NEDD9: variants seen among roughly 807,000 people sequenced by gnomAD.
NEDD9 encodes the protein enhancer of filamentation 1.
NEDD9 carries 26 observed loss-of-function variants against 76.6 expected under a neutral mutation model. The observed-to-expected ratio is 0.34, with a 90% CI of 0.25 to 0.47. The LOEUF (loss-of-function observed/expected upper bound fraction) is 0.47. Among genes scored for constraint, NEDD9 ranks in the 20% least tolerant of loss-of-function variants. The pLI, the probability that NEDD9 is intolerant of heterozygous loss-of-function variation, is 1.00. For missense variants in NEDD9, 937 were observed against 1,058.5 expected (o/e 0.89, Z 1.59); for synonymous variants, 392 against 414.2 (o/e 0.95, Z 0.65).
rs150185528 is a variant in NEDD9 at position 11,198,667 on chromosome 6, C to T, written c.460-4975G>A. The T allele has an allele frequency of 9.2e-5, 14 of 152,364 alleles. No individual in the cohort carries two copies. The highest frequency in any genetic ancestry group is 3.4e-4 in the African/African-American group (14 of 41,576). The allele number at this position is 152,364 out of a possible 1,614,324, so 9.4% of individuals were successfully genotyped here. The stretch of plus-strand genomic sequence containing the variant: ...TTAAAGTCAGAGATCATTCCCTCTT[C>T]ATTTAAATATAAACCACAGGGCCTA... On this transcript the variant is annotated intron_variant, in intron 2 of 6. Coordinates refer to ENST00000379446, the MANE Select transcript of NEDD9 (RefSeq NM_006403.4). The surrounding 1 kb of genome is among the most constrained non-coding windows in gnomAD (Gnocchi z 4.7).
chr6:11,263,893 C>T (rs1158719289), intron 3 of NEDD9, among the ~76,000 whole-genome samples: 1 of 152,208 alleles, frequency 6.6e-6, no homozygotes, highest in Non-Finnish European at 1.5e-5. Flanking sequence ...GACCATTTCT[C>T]TCACAATAAT....
chr6:11,200,075 T>C (rs1434457539), intron 2 of NEDD9: 1 of 223,208 alleles, frequency 4.5e-6, no homozygotes, highest in African/African-American at 2.3e-5. Context: ...TTTTCAAGCC[T>C]GGGGGCATTT....
chr6:11,246,930 G>A (rs1759823246), intron 3 of NEDD9, among the ~76,000 whole-genome samples: 1 of 152,022 alleles, frequency 6.6e-6, no homozygotes, highest in African/African-American at 2.4e-5. Context: ...ATGGCTCCAG[G>A]GCTTCAGACG....
chr6:11,375,053 T>C (rs1762949854), intron 1 of NEDD9, among the ~76,000 whole-genome samples: 1 of 152,252 alleles, frequency 6.6e-6, no homozygotes, highest in Non-Finnish European at 1.5e-5. Context: ...CTCAAGTAGT[T>C]TGTGCATGAA....
At chr6:11,225,206 A>G (rs1349897359) in intron 1 of NEDD9, among the ~76,000 whole-genome samples, 1 of 152,272 alleles carries the variant, frequency 6.6e-6, no homozygotes, top group Non-Finnish European at 1.5e-5. Context: ...TCACTTTTAC[A>G]TATTTGTTGC....
chr6:11,350,568 T>C (rs1020525446), intron 1 of NEDD9, among the ~76,000 whole-genome samples: 14 of 152,224 alleles, frequency 9.2e-5, no homozygotes, highest in Non-Finnish European at 2.1e-4. Flanking sequence ...CGTGACTAAC[T>C]GTGGGAGCAG....
At chr6:11,305,844 C>T (rs1561824910) in intron 3 of NEDD9, 15 of 976,408 alleles carry the variant, frequency 1.5e-5, no homozygotes, top group Non-Finnish European at 2.4e-5. Flanking sequence ...ATCTGGCAGT[C>T]TAAACTTAAC....
At chr6:11,310,055 G>A (rs1264106389) in intron 2 of NEDD9, among the ~76,000 whole-genome samples, 1 of 152,176 alleles carries the variant, frequency 6.6e-6, no homozygotes, top group Non-Finnish European at 1.5e-5. Context: ...TTTCACAGGG[G>A]TGTGTGTCCC....
intron 3 of NEDD9, among the ~76,000 whole-genome samples, chr6:11,266,335 C>T (rs1760201349): frequency 6.6e-6 from 1 of 152,066 alleles, no homozygotes; most frequent in Non-Finnish European, 1.5e-5. Flanking sequence ...GAGGGGGAGA[C>T]ATAGTGCTAT....
At chr6:11,267,505 G>A (rs1356409278) in intron 3 of NEDD9, among the ~76,000 whole-genome samples, 1 of 152,072 alleles carries the variant, frequency 6.6e-6, no homozygotes, top group Non-Finnish European at 1.5e-5. Context: ...TGGTTTATTA[G>A]TAAAATAGAA....
At chr6:11,301,382 C>T (rs867215572) in intron 3 of NEDD9, among the ~76,000 whole-genome samples, 2 of 152,144 alleles carry the variant, frequency 1.3e-5, no homozygotes, top group Non-Finnish European at 2.9e-5. Flanking sequence ...CCTTAGAGAT[C>T]TACAAAGAGA....
chr6:11,264,152 G>C (rs932021706), intron 3 of NEDD9, among the ~76,000 whole-genome samples: 4 of 152,202 alleles, frequency 2.6e-5, no homozygotes, highest in Admixed American at 6.5e-5. Flanking sequence ...CTTGTAGATG[G>C]AGAAGGGGCT....
intron 3 of NEDD9, among the ~76,000 whole-genome samples, chr6:11,280,921 T>C (rs1760523356): frequency 6.6e-6 from 1 of 152,238 alleles, no homozygotes; most frequent in African/African-American, 2.4e-5. Flanking sequence ...TGGGATCTTT[T>C]CTAATACAAG....
intron 3 of NEDD9, among the ~76,000 whole-genome samples, chr6:11,257,818 G>A (rs1268952300): frequency 1.7e-5 from 2 of 120,572 alleles, no homozygotes; most frequent in East Asian, 2.3e-4. Flanking sequence ...TGTGCAGTAC[G>A]GCATCAAAGG....
intron 1 of NEDD9, among the ~76,000 whole-genome samples, chr6:11,226,536 C>T (rs1759315842): frequency 6.6e-6 from 1 of 152,292 alleles, no homozygotes; most frequent in Non-Finnish European, 1.5e-5. Context: ...AGACCTCTTA[C>T]TTTACATTTA....
At chr6:11,304,989 T>G (rs1043447521) in intron 3 of NEDD9, 21 of 953,272 alleles carry the variant, frequency 2.2e-5, no homozygotes, top group Non-Finnish European at 3.0e-5. Context: ...CAATCAAACT[T>G]GTTTTTAATG....
chr6:11,302,721 C>T, intron 3 of NEDD9, among the ~76,000 whole-genome samples: 1 of 152,180 alleles, frequency 6.6e-6, no homozygotes, highest in East Asian at 1.9e-4. Flanking sequence ...ATACACAAAT[C>T]TGTAAATGTA....
intron 2 of NEDD9, chr6:11,200,760 A>G (rs1158919919): frequency 1.4e-6 from 2 of 1,402,972 alleles, no homozygotes; most frequent in Non-Finnish European, 1.8e-6. Flanking sequence ...GATCATCTGT[A>G]GAGTTCTTGG....
intron 2 of NEDD9, among the ~76,000 whole-genome samples, chr6:11,327,631 A>G (rs935545289): frequency 1.3e-5 from 2 of 152,240 alleles, no homozygotes; most frequent in African/African-American, 4.8e-5. Flanking sequence ...CTCATGCTAT[A>G]AAACACAGAC....
Sources: gnomAD v4.1 joint callset for allele counts (sites outside exome capture counted in the v4.1 genomes callset) on GRCh38, gnomAD v4.1.1 for gene constraint, Gnocchi (gnomAD v3.1) non-coding constraint, MANE v1.5 for transcripts, NCBI Gene and HGNC (gene_info 2026-07-23, HGNC 2026-07-21) for gene names.